The following ADAR variants were observed in gnomAD, a reference collection of about 807,000 sequenced individuals.
The protein encoded by ADAR is adenosine deaminase RNA specific.
ADAR carries 41 observed loss-of-function variants against 113.2 expected under a neutral mutation model. That is an observed-to-expected ratio of 0.36 (90% confidence interval 0.28 to 0.47). The LOEUF (loss-of-function observed/expected upper bound fraction) is 0.47. Among genes scored for constraint, ADAR ranks in the 20% least tolerant of loss-of-function variants. ADAR has a pLI of 1.00. For missense variants in ADAR, 1,242 were observed against 1,540.9 expected (o/e 0.81, Z 3.25); for synonymous variants, 605 against 572.6 (o/e 1.06, Z -0.81).
At position 154,597,163 on chromosome 1, in the gene ADAR, A is replaced by G; in HGVS notation, c.2039T>C (p.Leu680Pro). ...QMAAEEAMKA[L>P]HGEATNSMAS... ...CATGGAGTTGGTCGCCTCCCCATGC[A>G]GGGCCTTCATGGCTTCCTCTGCGGC... The change falls in exon 5 of 15, where the codon CTG becomes CCG. Residue 680 changes from leucine (L) to proline (P), a missense_variant. Physicochemically the swap from Leu to Pro is moderately conservative, Grantham distance 98. Coordinates refer to ENST00000368474, the MANE Select transcript of ADAR (RefSeq NM_001111.5). 1 of 1,614,194 alleles carries G rather than the reference A, an allele frequency of 6.2e-7. No individual in the cohort carries two copies. Among genetic ancestry groups the G allele is most frequent in the Non-Finnish European group, 8.5e-7 (1 of 1,180,024 alleles).
intron 1 of ADAR, among the ~76,000 whole-genome samples, chr1:154,617,760 A>G (rs1698674146): frequency 6.6e-6 from 1 of 152,192 alleles, no homozygotes; most frequent in African/African-American, 2.4e-5. Flanking sequence ...GCAAGTCTTT[A>G]TGCTCAGTGG....
At chr1:154,612,321 T>G (rs975618206), upstream of ADAR, among the ~76,000 whole-genome samples, 35 of 111,982 alleles carry the variant, frequency 3.1e-4, no homozygotes, top group Non-Finnish European at 3.9e-4. Flanking sequence ...TTACTCAGTT[T>G]TTTTTTTTTT....
chr1:154,617,900 G>A (rs1217778254), intron 1 of ADAR, among the ~76,000 whole-genome samples: 1 of 151,688 alleles, frequency 6.6e-6, no homozygotes, highest in Non-Finnish European at 1.5e-5. Context: ...AAGAAAAATA[G>A]ATTATTTGCA....
Position 154,602,458 on chromosome 1 carries a change from G to A in ADAR, c.184C>T (p.Pro62Ser), listed in dbSNP as rs768151441. 6 of 1,613,698 alleles carry A rather than the reference G, an allele frequency of 3.7e-6. No individual in the cohort carries two copies. In the East Asian group the frequency reaches 1.1e-4, roughly 30 times the overall value. Reference protein sequence around the residue: ...PEAPVIGKQTPSLPPSLPGLR... With the variant: ...PEAPVIGKQTSSLPPSLPGLR... ...CCTGGGAGGGAAGGTGGCAGTGACG[G>A]TGTCTGCTTTCCAATCACCGGTGCT... is the stretch of plus-strand genomic sequence containing the variant. The change falls in exon 2 of 15, where the codon CCG becomes TCG. Residue 62 changes from proline to serine, a missense_variant. By Grantham distance (74) the Pro-to-Ser change is moderately conservative. This residue lies in a region of ADAR where 462 missense variants were observed against 483.1 expected (regional missense o/e 0.96). Transcript: ENST00000368474.
chr1:154,596,136 T>C (rs1697478000), intron 6 of ADAR, among the ~76,000 whole-genome samples: 1 of 152,174 alleles, frequency 6.6e-6, no homozygotes, highest in Non-Finnish European at 1.5e-5. Context: ...TCAGACCGCA[T>C]CCCAGTTGCT....
At chr1:154,590,664 C>T (rs1309149485) in intron 6 of ADAR, among the ~76,000 whole-genome samples, 1 of 152,016 alleles carries the variant, frequency 6.6e-6, no homozygotes, top group Non-Finnish European at 1.5e-5. Context: ...GCCATTGTGG[C>T]TCACACCTGT....
At position 154,584,826 on chromosome 1, in the gene ADAR, A is replaced by G. The variant is rs1231718752; in HGVS notation, c.3661T>C (p.Phe1221Leu). Residue 1221 changes from phenylalanine (F) to leucine (L), a missense_variant, in exon 15 of 15, where the codon TTT (phenylalanine) becomes CTT (leucine). Coordinates refer to ENST00000368474, the MANE Select transcript of ADAR (RefSeq NM_001111.5). ...WISKPQEEKN[F>L]YLCPV is the part of the protein sequence containing the mutation. Reference sequence around the variant, plus strand: ...GCATACTATACTGGGCAGAGATAAAAGTTCTTTTCCTCCTGGGGTTTGCTA... The same window carrying G: ...GCATACTATACTGGGCAGAGATAAAGGTTCTTTTCCTCCTGGGGTTTGCTA... 1 of 1,613,988 alleles carries G rather than the reference A, an allele frequency of 6.2e-7. No homozygotes were observed. The highest frequency in any genetic ancestry group is 1.1e-5 in the South Asian group (1 of 91,074).
chr1:154,605,896 T>G (rs1467133829), intron 1 of ADAR: 1 of 793,076 alleles, frequency 1.3e-6, no homozygotes, highest in Non-Finnish European at 1.5e-6. Context: ...AGTTAAAAGC[T>G]AAATGTTTTT....
At position 154,608,180 on chromosome 1, in the gene ADAR, C is replaced by G. The variant is rs1274513097; in HGVS notation, c.-174G>C. ...TCTGCGCGCCGGGCCCAAGATGGCT[C>G]CGGTTCAATTTCGCTTTCGTTTCCT... On this transcript the variant is annotated 5_prime_UTR_variant, in exon 1 of 15. Coordinates refer to ENST00000368474, the MANE Select transcript of ADAR (RefSeq NM_001111.5). 3 of 751,956 alleles carry G rather than the reference C, an allele frequency of 4.0e-6. No individual in the cohort carries two copies. Among genetic ancestry groups the G allele is most frequent in the Non-Finnish European group, 6.0e-6 (3 of 502,204 alleles). 46.6% of individuals were successfully genotyped at this position (751,956 alleles called of 1,614,324 possible).
chr1:154,616,767 C>T (rs1303357638), intron 1 of ADAR, among the ~76,000 whole-genome samples: 1 of 152,222 alleles, frequency 6.6e-6, no homozygotes, highest in Non-Finnish European at 1.5e-5. Context: ...CCTCAAGAGA[C>T]AGCCCATAGC....
chr1:154,614,039 C>G (rs1351557062), intron 1 of ADAR, among the ~76,000 whole-genome samples: 1 of 151,966 alleles, frequency 6.6e-6, no homozygotes, highest in Non-Finnish European at 1.5e-5. Context: ...TATTTATCAA[C>G]TAGCTATATG....
At chr1:154,625,484 T>C (rs1456230179) in intron 1 of ADAR, among the ~76,000 whole-genome samples, 1 of 152,256 alleles carries the variant, frequency 6.6e-6, no homozygotes, top group Non-Finnish European at 1.5e-5. Context: ...TAATATTTAG[T>C]GCACTCAGTT....
intron 2 of ADAR, chr1:154,600,732 A>G (rs751185342): frequency 7.4e-6 from 3 of 404,696 alleles, no homozygotes; most frequent in East Asian, 5.5e-5. Context: ...TCGGCCTCAA[A>G]AAGTGCTGGG....
At chr1:154,599,805 G>A (rs1697741526) in intron 2 of ADAR, among the ~76,000 whole-genome samples, 1 of 152,238 alleles carries the variant, frequency 6.6e-6, no homozygotes, top group African/African-American at 2.4e-5. Context: ...TCTGAGTGAG[G>A]TAAAGGCTGA....
chr1:154,616,847 CTT>C (rs769048031), intron 1 of ADAR, among the ~76,000 whole-genome samples: 10 of 152,234 alleles, frequency 6.6e-5, no homozygotes, highest in Non-Finnish European at 1.2e-4. Flanking sequence ...AGACTTTGTT[CTT>C]TCCACTGTTG....
intron 1 of ADAR, among the ~76,000 whole-genome samples, chr1:154,607,438 C>T (rs1698265195): frequency 6.6e-6 from 1 of 152,156 alleles, no homozygotes; most frequent in Non-Finnish European, 1.5e-5. Flanking sequence ...ATTTTTAACT[C>T]CCAGAAGGCC....
In ADAR at chr1:154,608,084, C is replaced by G. The variant is rs1698322484; in HGVS notation, c.-78G>C. 1 of 1,478,978 alleles carries G rather than the reference C, an allele frequency of 6.8e-7. No homozygotes were observed. The highest frequency in any genetic ancestry group is 1.5e-5 in the African/African-American group (1 of 68,168). 91.6% of individuals were successfully genotyped at this position (1,478,978 alleles called of 1,614,324 possible). ...CGACCGCTGGGCCGCGCCAGCCCCT[C>G]GAGGCCCCCACGCCTCCGCTACTCC... On this transcript the variant is annotated 5_prime_UTR_variant, in exon 1 of 15. Coordinates refer to ENST00000368474, the MANE Select transcript of ADAR (RefSeq NM_001111.5).
exon 1 of ADAR, chr1:154,627,894 A>G (rs1183408576): frequency 1.9e-6 from 1 of 518,096 alleles, no homozygotes; most frequent in Non-Finnish European, 3.8e-6. Context: ...GGACACCCGG[A>G]GACTGCCAGT....
At chr1:154,586,414 T>G (rs1557865535) in intron 11 of ADAR, 51 bp from the exon 12 acceptor site, 11 of 1,568,116 alleles carry the variant, frequency 7.0e-6, no homozygotes, top group Non-Finnish European at 9.6e-6. Context: ...ACCAAACCAC[T>G]CCCTGGCGTG....
Sources: allele counts gnomAD v4.1 joint callset (sites outside exome capture counted in the v4.1 genomes callset), GRCh38; gene constraint gnomAD v4.1.1; regional missense constraint gnomAD v4.1.1; transcripts MANE v1.5; gene names NCBI Gene and HGNC (gene_info 2026-07-23, HGNC 2026-07-21).